Variants in UGGT1 observed in about 807,000 individuals in gnomAD.
UGGT1 encodes the protein UDP-glucose:glycoprotein glucosyltransferase 1.
Under a neutral mutation model 203.9 loss-of-function variants are expected in UGGT1, and 107 were observed. The ratio of observed to expected loss-of-function variants is 0.52; its 90% CI spans 0.45 to 0.62. The LOEUF (loss-of-function observed/expected upper bound fraction) is 0.62. Among genes scored for constraint, UGGT1 ranks in the 20% least tolerant of loss-of-function variants. The pLI, the probability that UGGT1 is intolerant of heterozygous loss-of-function variation, is 0.00. For synonymous variants in UGGT1, 628 were observed against 653.5 expected, an observed-to-expected ratio of 0.96 and a Z score of 0.59; for missense variants, 1,673 against 1,867.2, an observed-to-expected ratio of 0.90 and a Z score of 1.92.
At chr2:128,133,100 G>A (rs762714367) in intron 13 of UGGT1, 41 bp from the exon 14 acceptor site, 1 of 1,603,292 alleles carries the variant, frequency 6.2e-7, no homozygotes, top group Non-Finnish European at 8.5e-7. Flanking sequence ...TTACTAACTG[G>A]TTCCTAATGT....
chr2:128,092,555 A>G (rs2105321207), intron 1 of UGGT1, among the ~76,000 whole-genome samples: 1 of 150,074 alleles, frequency 6.7e-6, no homozygotes, highest in South Asian at 2.1e-4. Flanking sequence ...TTTTTATCTA[A>G]GTTTCCCTGT....
At chr2:128,187,692 A>G (rs1365600781) in intron 40 of UGGT1, 78 bp downstream of exon 40, 2 of 1,416,200 alleles carry the variant, frequency 1.4e-6, no homozygotes, top group Non-Finnish European at 1.9e-6. Context: ...CAATAGAATA[A>G]TGGATAAAAG....
At chr2:128,144,209 T>A (rs1012637033) in intron 17 of UGGT1, among the ~76,000 whole-genome samples, 2 of 152,238 alleles carry the variant, frequency 1.3e-5, no homozygotes, top group African/African-American at 4.8e-5. Flanking sequence ...AGTGGCTCAG[T>A]ATAAAACTAC....
Position 128,195,404 on chromosome 2 carries a change from G to A in UGGT1, c.*5662G>A, listed in dbSNP as rs1012082797. ...ATGTTTTCCAACCAACCAGTTATTCGTGGTAATAATAAAATAAAGGTGGGA... is the reference window on the plus strand; with the variant it reads ...ATGTTTTCCAACCAACCAGTTATTCATGGTAATAATAAAATAAAGGTGGGA... On this transcript the variant is annotated 3_prime_UTR_variant, in exon 41 of 41. Coordinates refer to ENST00000259253, the MANE Select transcript of UGGT1 (RefSeq NM_020120.4). 10 of 152,174 alleles carry A rather than the reference G, an allele frequency of 6.6e-5. No individual in the cohort carries two copies. The East Asian group carries it at 1.7e-3, about 26-fold the overall frequency. 9.4% of individuals were successfully genotyped at this position (152,174 alleles called of 1,614,324 possible).
At chr2:128,159,747 T>A (rs753122877) in intron 23 of UGGT1, 27 bp downstream of exon 23, 2 of 1,603,678 alleles carry the variant, frequency 1.2e-6, no homozygotes, top group East Asian at 4.5e-5. Context: ...CTCATGAGGC[T>A]GCCCCATTTT....
At position 128,183,745 on chromosome 2, in the gene UGGT1, C is replaced by T. The variant is rs749127961; in HGVS notation, c.4315C>T (p.Gln1439Ter). 1 of 1,614,060 alleles carries T rather than the reference C, an allele frequency of 6.2e-7. No homozygotes were observed. The highest frequency in any genetic ancestry group is 8.5e-7 in the Non-Finnish European group (1 of 1,179,970). The change falls in exon 38 of 41, where the codon CAA (glutamine) becomes TAA (stop). Residue 1439 changes from glutamine to a stop codon, truncating the protein, a stop_gained. Transcript: ENST00000259253. LOFTEE classifies it high-confidence loss of function. ...TGGTGACAGACTCAGGGGACAGTAC[C>T]AAGGTCTGAGTCAGGACCCTAACAG... Reference protein sequence around the residue: ...AAGDRLRGQYQGLSQDPNSLS... With the variant: ...AAGDRLRGQY
intron 9 of UGGT1, among the ~76,000 whole-genome samples, chr2:128,120,864 C>G (rs769454018): frequency 6.6e-6 from 1 of 152,120 alleles, no homozygotes; most frequent in Non-Finnish European, 1.5e-5. Context: ...ACGTCATTTA[C>G]TAAAAGTCTT....
intron 11 of UGGT1, among the ~76,000 whole-genome samples, chr2:128,126,722 G>A (rs557469260): frequency 0.011 from 1,017 of 95,910 alleles, 9 homozygotes; most frequent in Non-Finnish European, 0.018. Context: ...TTGCTCTGTC[G>A]TTCAAGCTGG....
At chr2:128,149,894 C>T (rs1399439148) in intron 18 of UGGT1, among the ~76,000 whole-genome samples, 1 of 151,966 alleles carries the variant, frequency 6.6e-6, no homozygotes, top group Non-Finnish European at 1.5e-5. Context: ...CGCAGGAGGC[C>T]GAGGTTGCAG....
intron 13 of UGGT1, among the ~76,000 whole-genome samples, chr2:128,130,387 A>T (rs933685527): frequency 5.9e-5 from 9 of 152,210 alleles, no homozygotes; most frequent in Non-Finnish European, 1.2e-4. Context: ...ATTTTAGAAA[A>T]ATTTTATTTA....
chr2:128,115,312 A>T lies in UGGT1; in HGVS notation c.793+92A>T, dbSNP rs538713863. 9.1e-5 allele frequency: 104 copies of T among 1,147,284 alleles called. 1 individual carries two copies. In the East Asian group the frequency reaches 2.7e-3, roughly 29 times the overall value. The allele number at this position is 1,147,284 out of a possible 1,614,324, so 71.1% of individuals were successfully genotyped here. ...TATGAAAAATAATAGATTTAGGTGT[A>T]TGCTGAACCTGTGTTTGCATCCTGG... On this transcript the variant is annotated intron_variant, in intron 7 of 40. Transcript: ENST00000259253.
chr2:128,095,762 G>A (rs576006038), intron 1 of UGGT1, among the ~76,000 whole-genome samples: 10 of 152,142 alleles, frequency 6.6e-5, no homozygotes, highest in African/African-American at 2.2e-4. Flanking sequence ...TTTGACCATC[G>A]TTCTTCAGAG....
intron 2 of UGGT1, among the ~76,000 whole-genome samples, chr2:128,102,159 T>G (rs890658399): frequency 2.0e-5 from 3 of 152,144 alleles, no homozygotes; most frequent in African/African-American, 4.8e-5. Flanking sequence ...TTTTTTTTTT[T>G]GGGATGGAGT....
At chr2:128,105,671 C>T (rs1010764453) in intron 3 of UGGT1, among the ~76,000 whole-genome samples, 44 of 152,016 alleles carry the variant, frequency 2.9e-4, no homozygotes, top group African/African-American at 9.6e-4. Context: ...CCCACCATCG[C>T]GCCCAGCTAA....
chr2:128,094,721 A>G, intron 1 of UGGT1, among the ~76,000 whole-genome samples: 1 of 136,724 alleles, frequency 7.3e-6, no homozygotes, highest in Non-Finnish European at 1.5e-5. Flanking sequence ...GTCTATGGTT[A>G]GTCCTAAGAG....
intron 14 of UGGT1, among the ~76,000 whole-genome samples, chr2:128,134,315 T>A (rs1385238374): frequency 6.6e-6 from 1 of 152,174 alleles, no homozygotes; most frequent in Non-Finnish European, 1.5e-5. Flanking sequence ...GGATTACAGG[T>A]GTGAGCCACC....
At chr2:128,179,760 A>T in intron 34 of UGGT1, 26 bp from the exon 35 acceptor site, 1 of 1,592,604 alleles carries the variant, frequency 6.3e-7, no homozygotes, top group South Asian at 1.1e-5. Context: ...GAAAGCTGTT[A>T]TTAATTACCT....
intron 13 of UGGT1, among the ~76,000 whole-genome samples, chr2:128,132,036 G>A (rs1309417589): frequency 6.6e-6 from 1 of 152,084 alleles, no homozygotes. Flanking sequence ...AGTTCTCTTT[G>A]CTCTATATCT....
intron 27 of UGGT1, 28 bp from the exon 28 acceptor site, chr2:128,171,177 A>G (rs1377988575): frequency 6.3e-7 from 1 of 1,589,500 alleles, no homozygotes; most frequent in Non-Finnish European, 8.5e-7. Context: ...AAAATCCTAA[A>G]TATTTTGTCA....
Sources: gnomAD v4.1 joint callset for allele counts (sites outside exome capture counted in the v4.1 genomes callset) on GRCh38, gnomAD v4.1.1 for gene constraint, MANE v1.5 for transcripts, NCBI Gene and HGNC (gene_info 2026-07-23, HGNC 2026-07-21) for gene names.